Variants in C8orf34 observed in about 807,000 individuals in gnomAD.
C8orf34 encodes the protein chromosome 8 open reading frame 34.
Under a neutral mutation model 68.3 loss-of-function variants are expected in C8orf34, and 65 were observed. The observed-to-expected ratio is 0.95, with a 90% CI of 0.78 to 1.17. The LOEUF is 1.17. Ranked by LOEUF, C8orf34 falls within the 50% of genes most tolerant of loss-of-function variation. The probability of loss-of-function intolerance (pLI) is 0.00; values close to 1 mark genes in which losing one functional copy is unlikely to be tolerated. For missense variants in C8orf34, 664 were observed against 655.4 expected, an observed-to-expected ratio of 1.01 and a Z score of -0.14; for synonymous variants, 244 against 241.2, an observed-to-expected ratio of 1.01 and a Z score of -0.11.
chr8:68,660,405 C>T (rs186460216), intron 8 of C8orf34, among the ~76,000 whole-genome samples: 1 of 152,308 alleles, frequency 6.6e-6, no homozygotes, highest in East Asian at 1.9e-4. Flanking sequence ...CCCATGGGTG[C>T]CAATGCAGCT....
chr8:68,724,423 T>C (rs566753831), intron 10 of C8orf34, among the ~76,000 whole-genome samples: 1 of 152,334 alleles, frequency 6.6e-6, no homozygotes, highest in South Asian at 2.1e-4. Flanking sequence ...TTTGCTAACT[T>C]TCCATGTTGA....
rs369659285 is a variant in C8orf34 at position 68,446,428 on chromosome 8, A to G, written c.575A>G (p.Asn192Ser). ...KKSKSDLAVS[N>S]ISPPSPDSKS... is the part of the protein sequence containing the mutation. ...TCAAAAAGTGACCTTGCTGTGTCTA[A>G]TATTTCTCCACCATCACCGGACTCC... Residue 192 changes from asparagine (N) to serine (S), a missense_variant, in exon 3 of 14, where the codon AAT becomes AGT. Transcript: ENST00000518698. 5 of 1,613,040 alleles carry G rather than the reference A, an allele frequency of 3.1e-6. No homozygotes were observed. The highest frequency in any genetic ancestry group is 4.2e-6 in the Non-Finnish European group (5 of 1,179,614).
chr8:68,765,425 G>T (rs917848225), intron 10 of C8orf34, among the ~76,000 whole-genome samples: 4 of 152,246 alleles, frequency 2.6e-5, no homozygotes, highest in Admixed American at 2.0e-4. Context: ...TTAAGCAAAA[G>T]AAATAATGTA....
intron 6 of C8orf34, among the ~76,000 whole-genome samples, chr8:68,522,800 T>C (rs1814813250): frequency 6.6e-6 from 1 of 152,260 alleles, no homozygotes; most frequent in Non-Finnish European, 1.5e-5. Context: ...CAAATATTCA[T>C]GAATGGAAAT....
intron 10 of C8orf34, among the ~76,000 whole-genome samples, chr8:68,747,592 C>G (rs1309956987): frequency 6.6e-6 from 1 of 151,594 alleles, no homozygotes; most frequent in Non-Finnish European, 1.5e-5. Context: ...ACACCAATAA[C>G]AGACAAACAG....
chr8:68,754,258 T>C (rs1353310310), intron 10 of C8orf34, among the ~76,000 whole-genome samples: 2 of 152,150 alleles, frequency 1.3e-5, no homozygotes, highest in Admixed American at 6.5e-5. Flanking sequence ...TTAGAAAAAG[T>C]AAAATCCTGA....
rs1391988393 is a variant in C8orf34, at chr8:68,331,075, C to G, written c.63C>G (p.Leu21=). ...ELAALRPGFR[L]SAPHARVAPR... is the part of the protein sequence containing the mutation. ...CGGCGCTGCGCCCAGGCTTCCGGCT[C>G]TCAGCGCCCCACGCGCGCGTGGCTC... The change falls in exon 1 of 14, where the codon CTC becomes CTG. Residue 21 remains leucine, a synonymous_variant. Coordinates refer to ENST00000518698, the MANE Select transcript of C8orf34 (RefSeq NM_052958.4). 6 of 1,447,278 alleles carry G rather than the reference C, an allele frequency of 4.1e-6. No individual in the cohort carries two copies. In the Admixed American group the frequency reaches 7.8e-5, roughly 19 times the overall value. The allele number at this position is 1,447,278 out of a possible 1,614,324, so 89.7% of individuals were successfully genotyped here.
At chr8:68,460,760 C>G (rs1242286443) in intron 3 of C8orf34, among the ~76,000 whole-genome samples, 1 of 152,162 alleles carries the variant, frequency 6.6e-6, no homozygotes, top group African/African-American at 2.4e-5. Flanking sequence ...AACTAACAAA[C>G]AGAAAGGACA....
chr8:68,650,828 T>C (rs1243941008), intron 8 of C8orf34, among the ~76,000 whole-genome samples: 1 of 152,142 alleles, frequency 6.6e-6, no homozygotes, highest in Non-Finnish European at 1.5e-5. Context: ...GCTGGCATCA[T>C]GTTGCCTGGT....
At chr8:68,723,223 T>G (rs1250349066) in intron 10 of C8orf34, among the ~76,000 whole-genome samples, 1 of 152,086 alleles carries the variant, frequency 6.6e-6, no homozygotes, top group Non-Finnish European at 1.5e-5. Context: ...ACTCGTGGAG[T>G]GATAGCTTAA....
intron 10 of C8orf34, among the ~76,000 whole-genome samples, chr8:68,760,413 T>C (rs1200960070): frequency 6.6e-6 from 1 of 152,060 alleles, no homozygotes; most frequent in African/African-American, 2.4e-5. Context: ...AATAAATGAG[T>C]GTCAGAAAAA....
intron 3 of C8orf34, 94 bp from the exon 4 acceptor site, chr8:68,468,598 A>G (rs759558513): frequency 1.6e-6 from 2 of 1,258,350 alleles, no homozygotes; most frequent in South Asian, 1.7e-5. Flanking sequence ...TATTCTATAC[A>G]TTGATCTTGG....
At chr8:68,481,633 T>G (rs1276196796) in intron 4 of C8orf34, among the ~76,000 whole-genome samples, 1 of 152,238 alleles carries the variant, frequency 6.6e-6, no homozygotes, top group Non-Finnish European at 1.5e-5. Context: ...GAACTGGATA[T>G]GAGACCTGGA....
chr8:68,371,068 G>A (rs1259006578), intron 1 of C8orf34, among the ~76,000 whole-genome samples: 1 of 152,112 alleles, frequency 6.6e-6, no homozygotes, highest in Admixed American at 6.5e-5. Flanking sequence ...TTGATCAAGG[G>A]AAGGTGATTC....
At chr8:68,355,092 C>T (rs1036704823) in intron 1 of C8orf34, among the ~76,000 whole-genome samples, 1 of 152,034 alleles carries the variant, frequency 6.6e-6, no homozygotes, top group African/African-American at 2.4e-5. Context: ...CCTTTATGTA[C>T]AGTGGATATG....
intron 2 of C8orf34, among the ~76,000 whole-genome samples, chr8:68,443,162 G>T (rs1810980588): frequency 6.6e-6 from 1 of 152,088 alleles, no homozygotes; most frequent in Non-Finnish European, 1.5e-5. Flanking sequence ...GAAGAATGGG[G>T]GCTGTGCTAA....
intron 3 of C8orf34, among the ~76,000 whole-genome samples, chr8:68,452,969 A>T (rs960090948): frequency 6.6e-6 from 1 of 151,812 alleles, no homozygotes; most frequent in African/African-American, 2.4e-5. Context: ...GTCCAACTCC[A>T]TTTTTTGCCA....
intron 3 of C8orf34, among the ~76,000 whole-genome samples, chr8:68,459,066 G>T (rs927425260): frequency 2.0e-5 from 3 of 152,106 alleles, no homozygotes; most frequent in Non-Finnish European, 4.4e-5. Context: ...ATATGATATG[G>T]ATGGGTTGGT....
intron 1 of C8orf34, among the ~76,000 whole-genome samples, chr8:68,391,923 A>G (rs1808495521): frequency 1.3e-5 from 2 of 152,114 alleles, no homozygotes; most frequent in South Asian, 2.1e-4. Context: ...GGAAAATGCA[A>G]TTCCACCACA....
Sources: allele counts gnomAD v4.1 joint callset (sites outside exome capture counted in the v4.1 genomes callset), GRCh38; gene constraint gnomAD v4.1.1; transcripts MANE v1.5; gene names NCBI Gene and HGNC (gene_info 2026-07-23, HGNC 2026-07-21).